Variants in LHFPL4 observed in about 807,000 individuals in gnomAD.
LHFPL4 encodes the protein LHFPL tetraspan subfamily member 4 protein.
LHFPL4 carries 6 observed loss-of-function variants against 20.0 expected under a neutral mutation model. That is an observed-to-expected ratio of 0.30 (90% confidence interval 0.16 to 0.59). The LOEUF is 0.59. Among genes scored for constraint, LHFPL4 ranks in the 20% least tolerant of loss-of-function variants. The pLI, the probability that LHFPL4 is intolerant of heterozygous loss-of-function variation, is 0.88. For synonymous variants in LHFPL4, 129 were observed against 143.8 expected (o/e 0.90, Z 0.74); for missense variants, 215 against 331.2 (o/e 0.65, Z 2.72).
At chr3:9,536,570 T>A (rs2046445848) in intron 2 of LHFPL4, among the ~76,000 whole-genome samples, 1 of 152,164 alleles carries the variant, frequency 6.6e-6, no homozygotes. Flanking sequence ...CCTTCCTCCC[T>A]GATTACCACA....
chr3:9,517,803 T>TTG (rs2046313496), intron 2 of LHFPL4, among the ~76,000 whole-genome samples: 1 of 134,788 alleles, frequency 7.4e-6, no homozygotes, highest in African/African-American at 2.6e-5. Flanking sequence ...GTTTTTTTGT[T>TTG]TTTTGTTTTT....
At chr3:9,548,357 C>T (rs1052973225) in intron 2 of LHFPL4, among the ~76,000 whole-genome samples, 2 of 152,230 alleles carry the variant, frequency 1.3e-5, no homozygotes, top group African/African-American at 2.4e-5. Flanking sequence ...TGATTAAAGT[C>T]GAAATTCTTT....
At chr3:9,536,078 T>A (rs928528485) in intron 2 of LHFPL4, among the ~76,000 whole-genome samples, 4 of 152,130 alleles carry the variant, frequency 2.6e-5, no homozygotes, top group African/African-American at 7.2e-5. Context: ...ATTACAAGCG[T>A]GAGCCACCAG....
chr3:9,530,958 C>G (rs1420580339), intron 2 of LHFPL4, among the ~76,000 whole-genome samples: 1 of 152,098 alleles, frequency 6.6e-6, no homozygotes, highest in Non-Finnish European at 1.5e-5. Context: ...CACTTGAACA[C>G]TTAGAGGCCA....
At chr3:9,533,260 T>C (rs2046422115) in intron 2 of LHFPL4, among the ~76,000 whole-genome samples, 1 of 151,690 alleles carries the variant, frequency 6.6e-6, no homozygotes, top group Non-Finnish European at 1.5e-5. Context: ...ACATATGTGC[T>C]AGAAGGTTCG....
intron 2 of LHFPL4, among the ~76,000 whole-genome samples, chr3:9,521,465 G>T (rs138370127): frequency 1.2e-3 from 175 of 151,150 alleles, no homozygotes; most frequent in Admixed American, 1.8e-3. Flanking sequence ...GCAGTGGCAC[G>T]ATCTCAGCTC....
rs745743618 is a variant in LHFPL4, at chr3:9,505,940, C to CT, written c.643+26dup. On this transcript the variant is annotated intron_variant, in intron 3 of 3. Transcript: ENST00000287585. ...CCAGGACCAGGCCTGGCTCCCGCCG[C>CT]TGCCCCCCAGCCCACAGCACACTCG... The CT allele has an allele frequency of 7.5e-6, 12 of 1,601,252 alleles. No homozygotes were observed. The East Asian group carries it at 2.7e-4, about 36-fold the overall frequency.
At chr3:9,553,400 G>A (rs1361793878) in intron 1 of LHFPL4, among the ~76,000 whole-genome samples, 6 of 151,050 alleles carry the variant, frequency 4.0e-5, no homozygotes, top group Non-Finnish European at 7.4e-5. Flanking sequence ...ACGGGGCGAG[G>A]AAGGGGGGGC....
chr3:9,506,271 T>C lies in LHFPL4; in HGVS notation c.407-68A>G. 1 of 1,291,970 alleles carries C rather than the reference T, an allele frequency of 7.7e-7. No individual in the cohort carries two copies. Among genetic ancestry groups the C allele is most frequent in the Non-Finnish European group, 1.1e-6 (1 of 894,608 alleles). 80.0% of individuals were successfully genotyped at this position (1,291,970 alleles called of 1,614,324 possible). A position where few individuals can be genotyped will look rare whatever the true frequency, so the allele number is the denominator to read the frequency against. On this transcript the variant is annotated intron_variant, in intron 2 of 3. Transcript: ENST00000287585. This position sits in a 1 kb window ranked among gnomAD's most constrained non-coding sequence, Gnocchi z 4.5. The stretch of plus-strand genomic sequence containing the variant: ...AAGAGAAAAGACCATTACTCGCTAG[T>C]GTCCGCAGTCTGGGCCCCACCCTAT...
chr3:9,517,801 G>GTTT lies in LHFPL4; in HGVS notation c.407-11601_407-11599dup, dbSNP rs1162876826. On this transcript the variant is annotated intron_variant, in intron 2 of 3. Coordinates refer to ENST00000287585, the MANE Select transcript of LHFPL4 (RefSeq NM_198560.3). ...TTGCTATAGGAGGTTGGGTTTTTTT[G>GTTT]TTTTTTGTTTTTTTTTTTTTGCTTG... 1.9e-4 allele frequency among the ~76,000 whole-genome samples: 14 copies of GTTT among 75,608 alleles called. 1 individual carries two copies. The highest frequency in any genetic ancestry group is 5.2e-4 in the African/African-American group (13 of 25,230). 49.6% of individuals were successfully genotyped at this position (75,608 alleles called of 152,430 possible). A position where few individuals can be genotyped will look rare whatever the true frequency, so the allele number is the denominator to read the frequency against.
At chr3:9,513,460 T>C (rs1228001900) in intron 2 of LHFPL4, among the ~76,000 whole-genome samples, 1 of 152,124 alleles carries the variant, frequency 6.6e-6, no homozygotes, top group Admixed American at 6.5e-5. Context: ...GCTTCCCAAG[T>C]AGCTGGGACC....
chr3:9,535,705 T>A (rs537963175), intron 2 of LHFPL4, among the ~76,000 whole-genome samples: 57 of 150,626 alleles, frequency 3.8e-4, no homozygotes, highest in African/African-American at 1.3e-3. Context: ...AGGACCTGGC[T>A]AGGTTTGAGA....
At chr3:9,509,085 G>C (rs1361508520) in intron 2 of LHFPL4, among the ~76,000 whole-genome samples, 1 of 152,180 alleles carries the variant, frequency 6.6e-6, no homozygotes, top group Non-Finnish European at 1.5e-5. Flanking sequence ...TGGCTCCTGC[G>C]GGCGGTCCTC....
chr3:9,529,515 G>C (rs961096588), intron 2 of LHFPL4, among the ~76,000 whole-genome samples: 56 of 152,190 alleles, frequency 3.7e-4, no homozygotes, highest in Non-Finnish European at 1.0e-4. Flanking sequence ...CTACAGAATG[G>C]ATATTGTGTT....
intron 2 of LHFPL4, among the ~76,000 whole-genome samples, chr3:9,533,852 G>C (rs953211857): frequency 1.3e-5 from 2 of 151,864 alleles, no homozygotes; most frequent in Non-Finnish European, 1.5e-5. Flanking sequence ...TGACCTAGGT[G>C]CTTTTTTCAT....
At chr3:9,542,666 G>A (rs1187306251) in intron 2 of LHFPL4, among the ~76,000 whole-genome samples, 10 of 151,616 alleles carry the variant, frequency 6.6e-5, no homozygotes, top group South Asian at 6.3e-4. Context: ...AAAATTAGCC[G>A]GGCATGGTGA....
chr3:9,517,229 C>T (rs905001175), intron 2 of LHFPL4, among the ~76,000 whole-genome samples: 5 of 152,054 alleles, frequency 3.3e-5, no homozygotes, highest in Non-Finnish European at 1.5e-5. Flanking sequence ...AATCAGTTTG[C>T]TAATATGGAC....
intron 2 of LHFPL4, among the ~76,000 whole-genome samples, chr3:9,537,223 G>C (rs992189220): frequency 6.6e-6 from 1 of 152,158 alleles, no homozygotes; most frequent in Non-Finnish European, 1.5e-5. Flanking sequence ...CTTCTCGCTT[G>C]CACTCTGGCC....
intron 2 of LHFPL4, among the ~76,000 whole-genome samples, chr3:9,522,154 A>G (rs1185236231): frequency 1.3e-5 from 2 of 151,756 alleles, no homozygotes; most frequent in Admixed American, 1.3e-4. Context: ...CAAGTACCTT[A>G]TTATTATTGT....
Sources: allele counts gnomAD v4.1 joint callset (sites outside exome capture counted in the v4.1 genomes callset), GRCh38; gene constraint gnomAD v4.1.1; non-coding constraint Gnocchi (gnomAD v3.1); transcripts MANE v1.5; gene names NCBI Gene and HGNC (gene_info 2026-07-23, HGNC 2026-07-21).